The following DLG2 variants were observed in gnomAD, a reference collection of about 807,000 sequenced individuals.
DLG2 encodes disks large homolog 2.
DLG2 carries 45 observed loss-of-function variants against 132.5 expected under a neutral mutation model. The observed-to-expected ratio is 0.34, with a 90% CI of 0.27 to 0.44. DLG2 has a LOEUF of 0.44. Ranked by LOEUF, DLG2 falls within the 20% of genes least tolerant of loss-of-function variation. The pLI, the probability that DLG2 is intolerant of heterozygous loss-of-function variation, is 1.00. For missense variants in DLG2, 1,045 were observed against 1,196.9 expected (o/e 0.87, Z 1.87); for synonymous variants, 424 against 419.6 (o/e 1.01, Z -0.13).
chr11:83,716,048 G>A (rs2086614419), intron 18 of DLG2, among the ~76,000 whole-genome samples: 1 of 152,132 alleles, frequency 6.6e-6, no homozygotes, highest in African/African-American at 2.4e-5. Flanking sequence ...GAGGATGGAG[G>A]TCATGTTTGA....
chr11:84,776,243 C>A lies in DLG2; in HGVS notation c.358-241512G>T, dbSNP rs188099522. Among the ~76,000 whole-genome samples the A allele has an allele frequency of 5.3e-4, 80 of 152,216 alleles. 1 individual carries two copies. The highest frequency in any genetic ancestry group is 1.8e-3 in the African/African-American group (75 of 41,536). On this transcript the variant is annotated intron_variant, in intron 6 of 27. Transcript: ENST00000376104. Reference sequence around the variant, plus strand: ...GATCACAGCTCACTGCAGTCTTGATCTTCTGGGCTTAATTAATCCTTCCAC... The same window carrying A: ...GATCACAGCTCACTGCAGTCTTGATATTCTGGGCTTAATTAATCCTTCCAC...
chr11:85,595,110 C>T (rs960679421), intron 3 of DLG2, among the ~76,000 whole-genome samples: 11 of 150,974 alleles, frequency 7.3e-5, no homozygotes, highest in Non-Finnish European at 1.3e-4. Flanking sequence ...TCTTTATCAC[C>T]TAACTGAAGA....
At position 85,297,068 on chromosome 11, in the gene DLG2, G is replaced by A. The variant is rs911496684; in HGVS notation, c.41-11703C>T. 2.6e-5 allele frequency among the ~76,000 whole-genome samples: 4 copies of A among 151,620 alleles called. No individual in the cohort carries two copies. The East Asian group carries it at 7.7e-4, about 29-fold the overall frequency. On this transcript the variant is annotated intron_variant, in intron 3 of 27. Coordinates refer to ENST00000376104, the MANE Select transcript of DLG2 (RefSeq NM_001142699.3). Reference sequence around the variant, plus strand: ...CTGTGCTAGAAAATCTTATGAGAATGTACTGCTTAAATAAAATTGTAGAAA... The same window carrying A: ...CTGTGCTAGAAAATCTTATGAGAATATACTGCTTAAATAAAATTGTAGAAA...
chr11:84,617,620 A>G (rs2099606830), intron 6 of DLG2, among the ~76,000 whole-genome samples: 1 of 152,042 alleles, frequency 6.6e-6, no homozygotes. Flanking sequence ...ACGCACTCCA[A>G]TTTCTCCACA....
chr11:84,435,602 A>G (rs2098998057), intron 7 of DLG2, among the ~76,000 whole-genome samples: 1 of 152,172 alleles, frequency 6.6e-6, no homozygotes, highest in African/African-American at 2.4e-5. Flanking sequence ...ATGTAAATGT[A>G]TCTTACTCTC....
At chr11:85,238,296 T>C (rs1352462562) in intron 4 of DLG2, among the ~76,000 whole-genome samples, 1 of 151,314 alleles carries the variant, frequency 6.6e-6, no homozygotes, top group Non-Finnish European at 1.5e-5. Flanking sequence ...CAGGCTGGAA[T>C]GCAGAGGCAC....
chr11:84,654,410 G>C (rs151180949), intron 6 of DLG2, among the ~76,000 whole-genome samples: 122 of 152,212 alleles, frequency 8.0e-4, no homozygotes, highest in African/African-American at 2.8e-3. Context: ...TCACTTTCCT[G>C]GGGGGAGGGA....
Position 83,537,543 on chromosome 11 carries a change from G to A in DLG2, c.2117+4139C>T, listed in dbSNP as rs372641565. ...AAGAGAGCATGGGACAGCCAGGCGC[G>A]GTGGCTTATGCCTGTAATCCCAGCA... On this transcript the variant is annotated intron_variant, in intron 20 of 27. Coordinates refer to ENST00000376104, the MANE Select transcript of DLG2 (RefSeq NM_001142699.3). Among the ~76,000 whole-genome samples, 40 of 152,198 alleles carry A rather than the reference G, an allele frequency of 2.6e-4. No individual in the cohort carries two copies. In the East Asian group the frequency reaches 4.6e-3, roughly 18 times the overall value.
At chr11:85,094,727 A>G (rs914353181) in intron 6 of DLG2, among the ~76,000 whole-genome samples, 4 of 152,198 alleles carry the variant, frequency 2.6e-5, no homozygotes, top group African/African-American at 9.6e-5. Context: ...AACTTTCTCC[A>G]TATCAGCAAT....
intron 6 of DLG2, among the ~76,000 whole-genome samples, chr11:84,609,070 T>C (rs2099590755): frequency 6.6e-6 from 1 of 152,154 alleles, no homozygotes; most frequent in Admixed American, 6.6e-5. Context: ...GTGATGTTAC[T>C]ACATATAGTA....
intron 12 of DLG2, among the ~76,000 whole-genome samples, chr11:83,966,018 T>C (rs1398133076): frequency 1.3e-5 from 2 of 152,042 alleles, no homozygotes; most frequent in Non-Finnish European, 2.9e-5. Flanking sequence ...ACCAGTTTCT[T>C]ACTAGCGCAT....
intron 5 of DLG2, among the ~76,000 whole-genome samples, chr11:85,131,425 C>A (rs1594684643): frequency 6.6e-6 from 1 of 152,040 alleles, no homozygotes; most frequent in East Asian, 1.9e-4. Flanking sequence ...ACAAGGGTAA[C>A]ACCTCAGGAA....
chr11:84,572,672 C>T (rs1302798074), intron 6 of DLG2, among the ~76,000 whole-genome samples: 4 of 152,044 alleles, frequency 2.6e-5, no homozygotes, highest in Non-Finnish European at 4.4e-5. Context: ...AAGGTGACAC[C>T]CTGACCATAC....
chr11:84,524,578 A>T (rs1489976001), intron 7 of DLG2, among the ~76,000 whole-genome samples: 2 of 152,222 alleles, frequency 1.3e-5, no homozygotes, highest in African/African-American at 4.8e-5. Context: ...AAGAGCTTCT[A>T]ATTTAGCTTC....
chr11:84,642,299 C>T (rs2099668294), intron 6 of DLG2, among the ~76,000 whole-genome samples: 1 of 151,780 alleles, frequency 6.6e-6, no homozygotes, highest in Admixed American at 6.6e-5. Flanking sequence ...AAAAATAATA[C>T]TTATAGTAAA....
chr11:85,330,855 A>G (rs1305295648), intron 3 of DLG2, among the ~76,000 whole-genome samples: 1 of 150,938 alleles, frequency 6.6e-6, no homozygotes. Context: ...TCTTTTCCAG[A>G]GTCTGCTCAA....
chr11:85,118,111 T>C (rs2073886877), intron 5 of DLG2, among the ~76,000 whole-genome samples: 1 of 152,120 alleles, frequency 6.6e-6, no homozygotes, highest in Non-Finnish European at 1.5e-5. Flanking sequence ...CCTGGGCTTA[T>C]CCTTCCATTT....
rs150991927 is a variant in DLG2 at position 85,612,357 on chromosome 11, C to A, written c.-92-13569G>T. On this transcript the variant is annotated intron_variant, in intron 2 of 27. Coordinates refer to ENST00000376104, the MANE Select transcript of DLG2 (RefSeq NM_001142699.3). Reference sequence around the variant, plus strand: ...GACCTAGGAGGAACTCCCTTCAGGACAGGATGATAGATGGTTCCTCCCAGG... The same window carrying A: ...GACCTAGGAGGAACTCCCTTCAGGAAAGGATGATAGATGGTTCCTCCCAGG... Among the ~76,000 whole-genome samples the A allele has an allele frequency of 9.5e-4, 145 of 152,336 alleles. 1 individual carries two copies. Among genetic ancestry groups the A allele is most frequent in the African/African-American group, 3.3e-3 (138 of 41,586 alleles).
upstream of DLG2, among the ~76,000 whole-genome samples, chr11:85,628,074 T>A (rs920921561): frequency 5.3e-5 from 8 of 151,926 alleles, no homozygotes; most frequent in African/African-American, 1.9e-4. Flanking sequence ...GACTACAGAC[T>A]GGGGAGAGGA....
Sources: allele counts gnomAD v4.1 joint callset (sites outside exome capture counted in the v4.1 genomes callset), GRCh38; gene constraint gnomAD v4.1.1; transcripts MANE v1.5; gene names NCBI Gene and HGNC (gene_info 2026-07-23, HGNC 2026-07-21).